Variants in CNTN5 observed in about 807,000 individuals in gnomAD.
The protein encoded by CNTN5 is contactin 5.
In CNTN5, 77 loss-of-function variants were observed where a neutral mutation model predicts 129.1. The ratio of observed to expected loss-of-function variants is 0.60; its 90% CI spans 0.50 to 0.72. CNTN5 has a LOEUF of 0.72. CNTN5 is among the 30% of genes least tolerant of loss of function. CNTN5 has a pLI of 0.00. For synonymous variants in CNTN5, 509 were observed against 465.6 expected (o/e 1.09, Z -1.20); for missense variants, 1,478 against 1,328.8 (o/e 1.11, Z -1.75).
chr11:99,966,236 G>C (rs12288853), intron 8 of CNTN5, among the ~76,000 whole-genome samples: 30,419 of 152,116 alleles, frequency 0.2, 3,592 homozygotes, highest in African/African-American at 0.32. Flanking sequence ...CTTTCAAGTA[G>C]AAATTGAATT....
intron 2 of CNTN5, among the ~76,000 whole-genome samples, chr11:99,507,606 A>T (rs1020260849): frequency 1.3e-5 from 2 of 152,172 alleles, no homozygotes; most frequent in African/African-American, 4.8e-5. Context: ...CTAGAAAGAA[A>T]TGCAGTATAA....
chr11:100,307,059 C>G (rs892951679), intron 20 of CNTN5, among the ~76,000 whole-genome samples: 1 of 151,566 alleles, frequency 6.6e-6, no homozygotes, highest in Non-Finnish European at 1.5e-5. Flanking sequence ...TTTGCAGTAA[C>G]AGGGTAGATA....
In CNTN5 at chr11:100,271,179, C is replaced by G. The variant is rs748118641; in HGVS notation, c.2252C>G (p.Thr751Ser). 6.2e-7 allele frequency: 1 copy of G among 1,613,126 alleles called. No homozygotes were observed. The highest frequency in any genetic ancestry group is 8.5e-7 in the Non-Finnish European group (1 of 1,179,618). ...GAATATGAATTTCGAGTGGTAGCCA[C>G]CAACCCTATTGGGACAGGAGATCCA... ...WVEYEFRVVA[T>S]NPIGTGDPST... Residue 751 changes from threonine to serine, a missense_variant, in exon 18 of 25, where the codon ACC becomes AGC. Transcript: ENST00000524871.
At chr11:99,770,805 A>G (rs1944919149) in intron 3 of CNTN5, among the ~76,000 whole-genome samples, 1 of 152,164 alleles carries the variant, frequency 6.6e-6, no homozygotes, top group Admixed American at 6.6e-5. Flanking sequence ...ATTAGAAAAA[A>G]TCATAAAATT....
At chr11:99,786,917 G>A (rs1225835658) in intron 3 of CNTN5, among the ~76,000 whole-genome samples, 1 of 152,068 alleles carries the variant, frequency 6.6e-6, no homozygotes, top group African/African-American at 2.4e-5. Context: ...TGCCAAAAAA[G>A]TTAAGAGAAT....
At chr11:99,844,675 T>A in intron 4 of CNTN5, 177 bp from the exon 5 acceptor site, 1 of 607,432 alleles carries the variant, frequency 1.6e-6, no homozygotes, top group South Asian at 2.1e-5. Context: ...TTATATTTGG[T>A]TCTTTACAAT....
intron 3 of CNTN5, among the ~76,000 whole-genome samples, chr11:99,784,362 A>G (rs1476214297): frequency 6.7e-6 from 1 of 150,142 alleles, no homozygotes; most frequent in African/African-American, 2.5e-5. Context: ...ATGTGTTCTC[A>G]TTTTTCACCT....
intron 3 of CNTN5, among the ~76,000 whole-genome samples, chr11:99,692,180 G>A (rs927185043): frequency 7.9e-5 from 12 of 152,128 alleles, no homozygotes; most frequent in South Asian, 6.2e-4. Context: ...TGAATGGTTC[G>A]TGGTTCTTTA....
At chr11:99,253,328 C>A (rs1034377528) in intron 1 of CNTN5, among the ~76,000 whole-genome samples, 2 of 152,094 alleles carry the variant, frequency 1.3e-5, no homozygotes, top group Non-Finnish European at 2.9e-5. Context: ...CATTAAATCT[C>A]TTTCCTTATA....
chr11:99,436,527 T>C (rs1403429021), intron 2 of CNTN5, among the ~76,000 whole-genome samples: 1 of 152,162 alleles, frequency 6.6e-6, no homozygotes, highest in African/African-American at 2.4e-5. Context: ...CCATCTTGTA[T>C]CTATTCTTTC....
intron 23 of CNTN5, among the ~76,000 whole-genome samples, chr11:100,342,147 T>TCACACACACA (rs1952175869): frequency 1.5e-5 from 1 of 67,918 alleles, no homozygotes; most frequent in Admixed American, 1.7e-4. Flanking sequence ...TTAGGATAGA[T>TCACACACACA]CACAGACACA....
At chr11:99,830,002 A>G (rs2135600651) in intron 4 of CNTN5, among the ~76,000 whole-genome samples, 1 of 152,250 alleles carries the variant, frequency 6.6e-6, no homozygotes, top group East Asian at 1.9e-4. Flanking sequence ...AAACTTAATT[A>G]AGTGTAGGGT....
At chr11:99,122,130 A>G (rs1231999387) in intron 1 of CNTN5, among the ~76,000 whole-genome samples, 1 of 147,596 alleles carries the variant, frequency 6.8e-6, no homozygotes, top group Non-Finnish European at 1.5e-5. Flanking sequence ...CTATCCCTCC[A>G]ACCTCCCCCC....
intron 13 of CNTN5, among the ~76,000 whole-genome samples, chr11:100,079,562 T>G (rs751297928): frequency 1.3e-5 from 2 of 152,210 alleles, no homozygotes; most frequent in Non-Finnish European, 2.9e-5. Context: ...ACTTGTTCCA[T>G]TAACATTTTA....
chr11:99,887,590 A>G (rs967618310), intron 6 of CNTN5, among the ~76,000 whole-genome samples: 2 of 152,190 alleles, frequency 1.3e-5, no homozygotes, highest in African/African-American at 2.4e-5. Flanking sequence ...CAAACTGAGC[A>G]AGGAAGCCAG....
chr11:99,935,963 G>C (rs1210823811), intron 7 of CNTN5, among the ~76,000 whole-genome samples: 2 of 152,072 alleles, frequency 1.3e-5, no homozygotes, highest in African/African-American at 4.8e-5. Flanking sequence ...GTTTTATAGA[G>C]GGCATTCATT....
intron 6 of CNTN5, among the ~76,000 whole-genome samples, chr11:99,876,146 T>C (rs1010407453): frequency 2.0e-5 from 3 of 152,138 alleles, no homozygotes; most frequent in Non-Finnish European, 4.4e-5. Flanking sequence ...TCTGTAACTT[T>C]CACTGAGCTG....
At chr11:99,619,628 T>G (rs192161486) in intron 3 of CNTN5, among the ~76,000 whole-genome samples, 34 of 152,238 alleles carry the variant, frequency 2.2e-4, no homozygotes, top group Middle Eastern at 6.8e-3. Context: ...AAACTATAAT[T>G]TTGGAACTCT....
chr11:99,696,277 A>G lies in CNTN5; in HGVS notation c.56-123267A>G, dbSNP rs140194308. ...TATGAGGAATATTATAACCAAGCAT[A>G]CTCTCACAGAGTTTAAACTCAAATC... On this transcript the variant is annotated intron_variant, in intron 3 of 24. Coordinates refer to ENST00000524871, the MANE Select transcript of CNTN5 (RefSeq NM_014361.4). 2.3e-3 allele frequency among the ~76,000 whole-genome samples: 346 copies of G among 152,196 alleles called. 1 individual carries two copies. The highest frequency in any genetic ancestry group is 7.7e-3 in the African/African-American group (318 of 41,564).
Sources: allele counts gnomAD v4.1 joint callset (sites outside exome capture counted in the v4.1 genomes callset), GRCh38; gene constraint gnomAD v4.1.1; transcripts MANE v1.5; gene names NCBI Gene and HGNC (gene_info 2026-07-23, HGNC 2026-07-21).